USP5: variants seen among roughly 807,000 people sequenced by gnomAD.
USP5 encodes the protein ubiquitin carboxyl-terminal hydrolase 5.
A neutral mutation model predicts 102.5 loss-of-function variants in USP5; 24 were observed. That is an observed-to-expected ratio of 0.23 (90% CI 0.17 to 0.33). The LOEUF (loss-of-function observed/expected upper bound fraction) is 0.33, where lower values mean the gene tolerates loss of function less well. USP5 is among the 10% of genes least tolerant of loss of function. The pLI is 1.00. For synonymous variants in USP5, 460 were observed against 434.8 expected (o/e 1.06, Z -0.72); for missense variants, 753 against 1,122.1 (o/e 0.67, Z 4.70).
chr12:6,864,769 C>T lies in USP5; in HGVS notation c.2292C>T (p.Asp764=), dbSNP rs782632425. The T allele has an allele frequency of 6.8e-6, 11 of 1,613,428 alleles. No individual in the cohort carries two copies. The highest frequency in any genetic ancestry group is 3.3e-5 in the Admixed American group (2 of 60,020). ...RAVDWIFSHI[D]DLDAEAAMDI... is the part of the protein sequence containing the mutation. The stretch of plus-strand genomic sequence containing the variant: ...TGGACTGGATCTTCAGTCACATTGA[C>T]GACCTGGATGCTGAAGCTGCCATGG... Residue 764 remains aspartate (D), a synonymous_variant, in exon 18 of 20, where the codon GAC becomes GAT. Transcript: ENST00000229268. The surrounding 1 kb of genome is among the most constrained non-coding windows in gnomAD (Gnocchi z 4.8).
Position 6,856,739 on chromosome 12 carries a change from A to C in USP5, c.617A>C (p.Glu206Ala). The C allele has an allele frequency of 6.2e-7, 1 of 1,614,078 alleles. No individual in the cohort carries two copies. The highest frequency in any genetic ancestry group is 1.6e-4 in the Middle Eastern group (1 of 6,062). ...AAGTGCTCCAAGTGTGACATGAGAG[A>C]GAACCTGTGGCTCAACCTGACTGAT... ...GWKCSKCDMR[E>A]NLWLNLTDGS... is the part of the protein sequence containing the mutation. Residue 206 changes from glutamate to alanine, a missense_variant, in exon 6 of 20, where the codon GAG (glutamate) becomes GCG (alanine). By Grantham distance (107) the Glu-to-Ala change is moderately radical. Transcript: ENST00000229268. This position sits in a 1 kb window ranked among gnomAD's most constrained non-coding sequence, Gnocchi z 5.6.
In USP5 at chr12:6,861,719, A is replaced by C; in HGVS notation, c.1673+102A>C. ...GTTCTTTCATCCCTTTGTGGTTGGAACCTCAGGGTTGAATCAGTTGGGCTG... is the reference window on the plus strand; with the variant it reads ...GTTCTTTCATCCCTTTGTGGTTGGACCCTCAGGGTTGAATCAGTTGGGCTG... On this transcript the variant is annotated intron_variant, in intron 13 of 19. Coordinates refer to ENST00000229268, the MANE Select transcript of USP5 (RefSeq NM_001098536.2). The surrounding 1 kb of genome is among the most constrained non-coding windows in gnomAD (Gnocchi z 4.9). The C allele has an allele frequency of 1.6e-6, 2 of 1,284,502 alleles. No individual in the cohort carries two copies. Among genetic ancestry groups the C allele is most frequent in the Non-Finnish European group, 2.0e-6 (2 of 994,488 alleles). The allele number at this position is 1,284,502 out of a possible 1,614,324, so 79.6% of individuals were successfully genotyped here. A position where few individuals can be genotyped will look rare whatever the true frequency, so the allele number is the denominator to read the frequency against.
Position 6,863,548 on chromosome 12 carries a change from G to A in USP5, c.1954+171G>A, listed in dbSNP as rs1352602565. The stretch of plus-strand genomic sequence containing the variant: ...GCGCACTCCTAGCCACCTTCTGGGT[G>A]TGGATGGCAGCAGTGCCAGCTAGTG... On this transcript the variant is annotated intron_variant, in intron 15 of 19. Transcript: ENST00000229268. This position sits in a 1 kb window ranked among gnomAD's most constrained non-coding sequence, Gnocchi z 4.7. Among the ~76,000 whole-genome samples the A allele has an allele frequency of 6.6e-6, 1 of 152,128 alleles. No homozygotes were observed. Among genetic ancestry groups the A allele is most frequent in the Admixed American group, 6.5e-5 (1 of 15,280 alleles).
In USP5 at chr12:6,864,563, T is replaced by C. The variant is rs980539677; in HGVS notation, c.2245-159T>C. Among the ~76,000 whole-genome samples, 11 of 151,920 alleles carry C rather than the reference T, an allele frequency of 7.2e-5. No individual in the cohort carries two copies. Among genetic ancestry groups the C allele is most frequent in the African/African-American group, 1.2e-4 (5 of 41,348 alleles). On this transcript the variant is annotated intron_variant, in intron 17 of 19. Transcript: ENST00000229268. This position sits in a 1 kb window ranked among gnomAD's most constrained non-coding sequence, Gnocchi z 4.8. The stretch of plus-strand genomic sequence containing the variant: ...AATTAACCAAGCGTGGTGGTGGGCG[T>C]CTGTAGTCCCAGCTACTTGGGAGGC...
Position 6,863,430 on chromosome 12 carries a change from C to G in USP5, c.1954+53C>G. 2 of 1,564,456 alleles carry G rather than the reference C, an allele frequency of 1.3e-6. No homozygotes were observed. Among genetic ancestry groups the G allele is most frequent in the Non-Finnish European group, 1.7e-6 (2 of 1,146,342 alleles). ...CTCTCCCGTGCTGATGGGGGCCTCTCTGCCTTGCATCCCCTGCCCCTGTCC... is the reference window on the plus strand; with the variant it reads ...CTCTCCCGTGCTGATGGGGGCCTCTGTGCCTTGCATCCCCTGCCCCTGTCC... On this transcript the variant is annotated intron_variant, in intron 15 of 19. Transcript: ENST00000229268. The surrounding 1 kb of genome is among the most constrained non-coding windows in gnomAD (Gnocchi z 4.7).
intron 9 of USP5, 79 bp downstream of exon 9, chr12:6,859,620 GCAC>G: frequency 2.1e-6 from 3 of 1,403,302 alleles, no homozygotes; most frequent in Non-Finnish European, 3.0e-6. Context: ...CGCCTGGGGG[GCAC>G]AGCACTTTAA....
rs1944440456 is a variant in USP5, at chr12:6,866,195, C to T, written c.*118C>T. 7.4e-6 allele frequency: 7 copies of T among 948,382 alleles called. No homozygotes were observed. The Admixed American group carries it at 1.5e-4, about 20-fold the overall frequency. The allele number at this position is 948,382 out of a possible 1,614,324, so 58.7% of individuals were successfully genotyped here. A position where few individuals can be genotyped will look rare whatever the true frequency, so the allele number is the denominator to read the frequency against. On this transcript the variant is annotated 3_prime_UTR_variant, in exon 20 of 20. Transcript: ENST00000229268. This position sits in a 1 kb window ranked among gnomAD's most constrained non-coding sequence, Gnocchi z 4.7. ...GTACCCTTTTTCCTTTTGTCCCCGG[C>T]AGCAGGGAAGAAGCTGGAGGCCGTG... is the stretch of plus-strand genomic sequence containing the variant.
chr12:6,852,326 T>C (rs1943935100), intron 1 of USP5, 36 bp downstream of exon 1: 1 of 1,574,036 alleles, frequency 6.4e-7, no homozygotes, highest in African/African-American at 1.3e-5. Context: ...CGAGCACGAC[T>C]TCCTTCCATC....
chr12:6,863,401 G>A lies in USP5; in HGVS notation c.1954+24G>A. ...ATGTTAGTGACTCTTCTTCCTGCCT[G>A]TCTCTCTCCCGTGCTGATGGGGGCC... On this transcript the variant is annotated intron_variant, in intron 15 of 19. Coordinates refer to ENST00000229268, the MANE Select transcript of USP5 (RefSeq NM_001098536.2). This position sits in a 1 kb window ranked among gnomAD's most constrained non-coding sequence, Gnocchi z 4.7. 6.2e-7 allele frequency: 1 copy of A among 1,606,716 alleles called. No homozygotes were observed. The highest frequency in any genetic ancestry group is 2.2e-5 in the East Asian group (1 of 44,814).
intron 13 of USP5, 23 bp from the exon 14 acceptor site, chr12:6,862,447 C>T (rs782651377): frequency 3.1e-6 from 5 of 1,606,836 alleles, no homozygotes; most frequent in South Asian, 2.2e-5. Context: ...TGTCTGGGTA[C>T]CAGCACAGTC....
rs1555127042 is a variant in USP5, at chr12:6,852,302, C to T, written c.111+12C>T. The T allele has an allele frequency of 6.2e-7, 1 of 1,600,384 alleles. No homozygotes were observed. The highest frequency in any genetic ancestry group is 8.5e-7 in the Non-Finnish European group (1 of 1,173,498). ...CCTTCGACACGCCGGTAAGCCCATT[C>T]CCCACGCCCGCAACGAGCACGACTT... On this transcript the variant is annotated intron_variant, in intron 1 of 19. Transcript: ENST00000229268.
intron 14 of USP5, 93 bp downstream of exon 14, chr12:6,862,651 C>A: frequency 8.4e-7 from 1 of 1,187,752 alleles, no homozygotes; most frequent in Non-Finnish European, 1.2e-6. Flanking sequence ...AAAGTTTCCT[C>A]TGAAAGAGGA....
Position 6,859,509 on chromosome 12 carries a change from G to A in USP5, c.1098G>A (p.Pro366=), listed in dbSNP as rs143750403. ...TGGAGAAGATCTTCCAGAATGCCCC[G>A]ACGGACCCTACCCAGGATTTCAGCA... ...DKLEKIFQNA[P]TDPTQDFSTQ... The change falls in exon 9 of 20, where the codon CCG becomes CCA. Residue 366 remains proline (P), a synonymous_variant. Coordinates refer to ENST00000229268, the MANE Select transcript of USP5 (RefSeq NM_001098536.2). 181 of 1,614,132 alleles carry A rather than the reference G, an allele frequency of 1.1e-4. No homozygotes were observed. The African/African-American group carries it at 2.2e-3, about 19-fold the overall frequency.
chr12:6,860,152 G>T lies in USP5; in HGVS notation c.1132G>T (p.Ala378Ser). ...ATGTTTTCTTGGATATTAATGCAGG[G>T]CCAAGCTGGGCCATGGCCTTCTCTC... is the stretch of plus-strand genomic sequence containing the variant. ...DPTQDFSTQV[A>S]KLGHGLLSGE... The change falls in exon 10 of 20, where the codon GCC becomes TCC. Residue 378 changes from alanine (A) to serine (S), a missense_variant and splice_region_variant. By Grantham distance (99) the Ala-to-Ser change is moderately conservative. This residue lies in a region of USP5 where 527 missense variants were observed against 816.5 expected (regional missense o/e 0.65). Transcript: ENST00000229268. This position sits in a 1 kb window ranked among gnomAD's most constrained non-coding sequence, Gnocchi z 5.5. The T allele has an allele frequency of 6.2e-7, 1 of 1,606,988 alleles. No homozygotes were observed. Among genetic ancestry groups the T allele is most frequent in the Non-Finnish European group, 8.5e-7 (1 of 1,178,128 alleles).
rs746003386 is a variant in USP5, at chr12:6,863,130, C to T, written c.1763-56C>T. The T allele has an allele frequency of 3.3e-5, 51 of 1,537,866 alleles. 1 individual carries two copies. Among genetic ancestry groups the T allele is most frequent in the Non-Finnish European group, 4.1e-5 (47 of 1,142,234 alleles). On this transcript the variant is annotated intron_variant, in intron 14 of 19. Transcript: ENST00000229268. The surrounding 1 kb of genome is among the most constrained non-coding windows in gnomAD (Gnocchi z 4.7). ...ATAGGGGGCAGGGGATTGAGGTTCCCGAATCACTTTCCAGGTAGGCCTCCG... is the reference window on the plus strand; with the variant it reads ...ATAGGGGGCAGGGGATTGAGGTTCCTGAATCACTTTCCAGGTAGGCCTCCG...
At position 6,856,262 on chromosome 12, in the gene USP5, G is replaced by A. The variant is rs782298280; in HGVS notation, c.439-43G>A. Reference sequence around the variant, plus strand: ...GGCCAAGGGGAAGAGGGGCATGTGGGGCAGGGGGTTGGGTATTGCCTCTGA... The same window carrying A: ...GGCCAAGGGGAAGAGGGGCATGTGGAGCAGGGGGTTGGGTATTGCCTCTGA... On this transcript the variant is annotated intron_variant, in intron 4 of 19. Transcript: ENST00000229268. This position sits in a 1 kb window ranked among gnomAD's most constrained non-coding sequence, Gnocchi z 5.6. The A allele has an allele frequency of 2.2e-5, 35 of 1,604,800 alleles. No individual in the cohort carries two copies. Among genetic ancestry groups the A allele is most frequent in the East Asian group, 6.7e-5 (3 of 44,752 alleles).
At position 6,856,608 on chromosome 12, in the gene USP5, AG is replaced by A; in HGVS notation, c.585-98del. ...GGGATGGCCAGAGGAGAAGAGAGAG[AG>A]ACCTTGGATTGGCGGGGGGCCTGCA... On this transcript the variant is annotated intron_variant, in intron 5 of 19. Transcript: ENST00000229268. The surrounding 1 kb of genome is among the most constrained non-coding windows in gnomAD (Gnocchi z 5.6). The A allele has an allele frequency of 3.2e-6, 5 of 1,562,184 alleles. No homozygotes were observed. Among genetic ancestry groups the A allele is most frequent in the Non-Finnish European group, 4.3e-6 (5 of 1,154,510 alleles).
At chr12:6,854,849 C>G (rs1171334117) in intron 1 of USP5, among the ~76,000 whole-genome samples, 1 of 151,992 alleles carries the variant, frequency 6.6e-6, no homozygotes, top group Non-Finnish European at 1.5e-5. Context: ...AATCTCTGCT[C>G]CTCTGGTCTG....
chr12:6,859,434 C>T (rs1944209318), intron 8 of USP5, 36 bp from the exon 9 acceptor site: 1 of 1,608,754 alleles, frequency 6.2e-7, no homozygotes, highest in African/African-American at 1.3e-5. Flanking sequence ...GCGCTCAGGC[C>T]AGAGCCCCTC....
Sources: allele counts gnomAD v4.1 joint callset (sites outside exome capture counted in the v4.1 genomes callset), GRCh38; gene constraint gnomAD v4.1.1; regional missense constraint gnomAD v4.1.1; non-coding constraint Gnocchi (gnomAD v3.1); transcripts MANE v1.5; gene names NCBI Gene and HGNC (gene_info 2026-07-23, HGNC 2026-07-21).